Variants in HM13 observed in about 807,000 individuals in gnomAD.
HM13 encodes signal peptide peptidase.
In HM13, 18 loss-of-function variants were observed where a neutral mutation model predicts 50.0. That is an observed-to-expected ratio of 0.36 (90% CI 0.25 to 0.53). The LOEUF is 0.53. Ranked by LOEUF, HM13 falls within the 20% of genes least tolerant of loss-of-function variation. The pLI is 0.90. For synonymous variants in HM13, 197 were observed against 232.6 expected (o/e 0.85, Z 1.39); for missense variants, 393 against 552.4 (o/e 0.71, Z 2.89).
rs1288493684 is a variant in HM13, at chr20:31,566,302, C to A, written c.1034+7C>A. On this transcript the variant is annotated splice_region_variant and intron_variant, in intron 11 of 12. Transcript: ENST00000398174. The stretch of plus-strand genomic sequence containing the variant: ...AAGTGACAGAGATGTTCAGGTAAGG[C>A]AGAGTGGGGGGCAGATGTCCTCATG... 6.2e-7 allele frequency: 1 copy of A among 1,611,540 alleles called. No individual in the cohort carries two copies. The highest frequency in any genetic ancestry group is 1.1e-5 in the South Asian group (1 of 91,028).
intron 7 of HM13, 79 bp downstream of exon 7, chr20:31,550,200 G>T (rs918280518): frequency 3.0e-6 from 3 of 1,016,146 alleles, no homozygotes; most frequent in Non-Finnish European, 4.7e-6. Context: ...TTCAGTCAGT[G>T]CATCTCCCTA....
intron 9 of HM13, 141 bp downstream of exon 9, chr20:31,559,788 T>C: frequency 1.3e-5 from 11 of 829,172 alleles, no homozygotes; most frequent in Non-Finnish European, 2.2e-5. Flanking sequence ...ATCTGCATTT[T>C]GCATCTTGAA....
intron 1 of HM13, among the ~76,000 whole-genome samples, chr20:31,524,664 C>CT (rs1022728840): frequency 6.5e-5 from 9 of 139,088 alleles, no homozygotes; most frequent in South Asian, 2.4e-4. Flanking sequence ...AGAATAAAGA[C>CT]TTTTTTTATT....
intron 4 of HM13, 125 bp from the exon 5 acceptor site, chr20:31,548,904 C>A: frequency 1.2e-6 from 1 of 857,388 alleles, no homozygotes; most frequent in Non-Finnish European, 2.0e-6. Flanking sequence ...GCAGCCAAGG[C>A]TTAGCCCCGC....
intron 10 of HM13, among the ~76,000 whole-genome samples, chr20:31,564,286 T>A (rs1984771509): frequency 6.6e-6 from 1 of 151,402 alleles, no homozygotes; most frequent in Admixed American, 6.6e-5. Context: ...CATTACAAAT[T>A]GCTGGGGAGG....
Position 31,561,624 on chromosome 20 carries a change from T to A in HM13, c.846-10T>A. 1.9e-6 allele frequency: 3 copies of A among 1,584,674 alleles called. No individual in the cohort carries two copies. The highest frequency in any genetic ancestry group is 2.6e-6 in the Non-Finnish European group (3 of 1,153,226). ...AACCCTCCTCCTCTTTCTTCACACCTTCCCTGCAGCTTGAAGAAGAATACC... is the reference window on the plus strand; with the variant it reads ...AACCCTCCTCCTCTTTCTTCACACCATCCCTGCAGCTTGAAGAAGAATACC... On this transcript the variant is annotated splice_polypyrimidine_tract_variant and intron_variant, in intron 9 of 12. Transcript: ENST00000398174.
At chr20:31,518,814 C>T (rs954109946) in intron 1 of HM13, among the ~76,000 whole-genome samples, 2 of 151,908 alleles carry the variant, frequency 1.3e-5, no homozygotes, top group Non-Finnish European at 2.9e-5. Flanking sequence ...GCCCTGATTG[C>T]ACCACTGGGC....
chr20:31,555,654 A>G (rs927148132), intron 8 of HM13, among the ~76,000 whole-genome samples: 1 of 152,084 alleles, frequency 6.6e-6, no homozygotes, highest in Non-Finnish European at 1.5e-5. Context: ...CCTCAGAGTG[A>G]GAGGGTTAGA....
chr20:31,522,050 G>A (rs1284318568), intron 1 of HM13, among the ~76,000 whole-genome samples: 2 of 151,988 alleles, frequency 1.3e-5, no homozygotes, highest in East Asian at 3.9e-4. Context: ...AGTCCTCTGT[G>A]TAATGGAGAG....
chr20:31,561,098 A>G (rs1375048710), intron 9 of HM13, among the ~76,000 whole-genome samples: 2 of 152,362 alleles, frequency 1.3e-5, no homozygotes, highest in Non-Finnish European at 2.9e-5. Context: ...AGTTAGTACC[A>G]CAAATAGGCT....
At chr20:31,547,299 T>C in intron 4 of HM13, 1 of 261,158 alleles carries the variant, frequency 3.8e-6, no homozygotes, top group Middle Eastern at 1.3e-3. Flanking sequence ...CCAAGCGCAG[T>C]CGTGACGTGG....
chr20:31,556,207 T>C (rs1184156019), intron 8 of HM13, among the ~76,000 whole-genome samples: 1 of 151,350 alleles, frequency 6.6e-6, no homozygotes, highest in Non-Finnish European at 1.5e-5. Flanking sequence ...CCCGGCTGAT[T>C]TTGTATATTT....
In HM13 at chr20:31,538,605, A is replaced by G. The variant is rs979530917; in HGVS notation, c.365+344A>G. ...GGGTGTTGTGGCCTAGCTGTGTGCTAAGTGCCATGTTGGGCTCCTCACACA... is the reference window on the plus strand; with the variant it reads ...GGGTGTTGTGGCCTAGCTGTGTGCTGAGTGCCATGTTGGGCTCCTCACACA... On this transcript the variant is annotated intron_variant, in intron 3 of 12. Coordinates refer to ENST00000398174, the MANE Select transcript of HM13 (RefSeq NM_178581.3). 4 of 1,255,400 alleles carry G rather than the reference A, an allele frequency of 3.2e-6. No individual in the cohort carries two copies. In the African/African-American group the frequency reaches 6.1e-5, roughly 19 times the overall value. The allele number at this position is 1,255,400 out of a possible 1,614,324, so 77.8% of individuals were successfully genotyped here.
Position 31,527,475 on chromosome 20 carries a change from C to T in HM13, c.184-9C>T. The T allele has an allele frequency of 6.2e-7, 1 of 1,604,570 alleles. No homozygotes were observed. The highest frequency in any genetic ancestry group is 8.5e-7 in the Non-Finnish European group (1 of 1,171,790). On this transcript the variant is annotated splice_polypyrimidine_tract_variant and intron_variant, in intron 1 of 12. Coordinates refer to ENST00000398174, the MANE Select transcript of HM13 (RefSeq NM_178581.3). The stretch of plus-strand genomic sequence containing the variant: ...CGTGCTGAGCCATTGTCATTCTTCT[C>T]TCCTCTAGAATGCTTCAGACATGCC...
At chr20:31,560,849 A>G (rs1600667447) in intron 9 of HM13, among the ~76,000 whole-genome samples, 1 of 152,260 alleles carries the variant, frequency 6.6e-6, no homozygotes, top group Admixed American at 6.5e-5. Flanking sequence ...AGAAGCACCC[A>G]GGACAAGGAG....
At chr20:31,556,041 T>C (rs1984298294) in intron 8 of HM13, among the ~76,000 whole-genome samples, 1 of 150,900 alleles carries the variant, frequency 6.6e-6, no homozygotes, top group Non-Finnish European at 1.5e-5. Flanking sequence ...TTCTCCTTTT[T>C]TTTTTTTTTT....
chr20:31,529,494 C>T (rs1484387811), intron 2 of HM13, among the ~76,000 whole-genome samples: 4 of 152,194 alleles, frequency 2.6e-5, no homozygotes, highest in Non-Finnish European at 5.9e-5. Context: ...GTCCACCCTC[C>T]TTGGCCTTGT....
At chr20:31,539,091 T>A in intron 3 of HM13, 1 of 985,466 alleles carries the variant, frequency 1.0e-6, no homozygotes, top group Non-Finnish European at 1.2e-6. Flanking sequence ...TAACTCAAAC[T>A]GCCACATGCT....
chr20:31,554,574 T>C (rs1984205244), intron 7 of HM13, 172 bp from the exon 8 acceptor site: 2 of 549,124 alleles, frequency 3.6e-6, no homozygotes, highest in Non-Finnish European at 3.3e-6. Flanking sequence ...TCCAGCTACT[T>C]GGGAGGCTGA....
Sources: gnomAD v4.1 joint callset for allele counts (sites outside exome capture counted in the v4.1 genomes callset) on GRCh38, gnomAD v4.1.1 for gene constraint, MANE v1.5 for transcripts, NCBI Gene and HGNC (gene_info 2026-07-23, HGNC 2026-07-21) for gene names.